DDX21: variants seen among roughly 807,000 people sequenced by gnomAD.
DDX21 encodes nucleolar RNA helicase 2.
DDX21 carries 18 observed loss-of-function variants against 90.0 expected under a neutral mutation model. The ratio of observed to expected loss-of-function variants is 0.20; its 90% CI spans 0.14 to 0.30. The LOEUF is 0.30. Ranked by LOEUF, DDX21 falls within the 10% of genes least tolerant of loss-of-function variation. DDX21 has a pLI of 1.00. For missense variants in DDX21, 673 were observed against 944.5 expected (o/e 0.71, Z 3.77); for synonymous variants, 294 against 318.0 (o/e 0.92, Z 0.80).
At chr10:68,974,783 G>A in intron 11 of DDX21, 40 bp downstream of exon 11, 1 of 1,546,720 alleles carries the variant, frequency 6.5e-7, no homozygotes, top group South Asian at 1.1e-5. Context: ...TTTAGTGTTG[G>A]TTCAAATACT....
At chr10:68,961,023 C>T (rs868095855) in intron 2 of DDX21, among the ~76,000 whole-genome samples, 2 of 152,248 alleles carry the variant, frequency 1.3e-5, no homozygotes, top group East Asian at 3.9e-4. Context: ...TGGAGTTGAA[C>T]AGGATGATAA....
Position 68,956,183 on chromosome 10 carries a change from C to A in DDX21, c.-43C>A. ...GTGGGGAACTACCTCTTCCTCTCCACGCGGTTGAGAAGACCGGTCGGCCTG... is the reference window on the plus strand; with the variant it reads ...GTGGGGAACTACCTCTTCCTCTCCAAGCGGTTGAGAAGACCGGTCGGCCTG... On this transcript the variant is annotated 5_prime_UTR_variant, in exon 1 of 15. Transcript: ENST00000354185. 6.2e-7 allele frequency: 1 copy of A among 1,603,252 alleles called. No homozygotes were observed. The highest frequency in any genetic ancestry group is 1.1e-5 in the South Asian group (1 of 90,352).
rs1266892475 is a variant in DDX21 at position 68,982,658 on chromosome 10, G to C, written c.2198G>C (p.Gly733Ala). ...GFRGQREGSR[G>A]FRGQRDGNRR... is the part of the protein sequence containing the mutation. ...AGGGGACAGCGGGAAGGCAGTCGAG[G>C]CTTCAGGGGACAGCGGGACGGAAAC... Residue 733 changes from glycine (G) to alanine (A), a missense_variant, in exon 15 of 15, where the codon GGC becomes GCC. Gly to Ala is a moderately conservative substitution (Grantham distance 60, BLOSUM62 0). Transcript: ENST00000354185. 2 of 1,614,048 alleles carry C rather than the reference G, an allele frequency of 1.2e-6. No homozygotes were observed. Among genetic ancestry groups the C allele is most frequent in the Admixed American group, 1.7e-5 (1 of 59,988 alleles).
intron 3 of DDX21, 140 bp from the exon 4 acceptor site, chr10:68,963,151 C>T: frequency 1.2e-6 from 1 of 838,300 alleles, no homozygotes; most frequent in Non-Finnish European, 1.8e-6. Flanking sequence ...GTATTTGAGC[C>T]TAACTTTGTA....
At chr10:68,956,747 A>C (rs1211356776) in intron 1 of DDX21, 4 of 1,018,474 alleles carry the variant, frequency 3.9e-6, no homozygotes, top group Non-Finnish European at 4.7e-6. Context: ...CGTCAAGTCA[A>C]AGTGGGTACT....
In DDX21 at chr10:68,963,990, C is replaced by T. The variant is rs561867511; in HGVS notation, c.786+521C>T. ...TGGCGGGCGCGTGTAGTCCCAACTACTTGGGAGGCTGAGGCAGGAGAATGG... is the reference window on the plus strand; with the variant it reads ...TGGCGGGCGCGTGTAGTCCCAACTATTTGGGAGGCTGAGGCAGGAGAATGG... On this transcript the variant is annotated intron_variant, in intron 4 of 14. Transcript: ENST00000354185. The T allele has an allele frequency of 3.6e-3, 911 of 254,414 alleles. 22 individuals carry two copies. Among genetic ancestry groups the T allele is most frequent in the South Asian group, 0.033 (890 of 27,334 alleles). 15.8% of individuals were successfully genotyped at this position (254,414 alleles called of 1,614,324 possible).
Position 68,977,592 on chromosome 10 carries a change from AGAG to A in DDX21, c.1810_1812del (p.Glu604del). 1.2e-6 allele frequency: 2 copies of A among 1,613,890 alleles called. No individual in the cohort carries two copies. Among genetic ancestry groups the A allele is most frequent in the Non-Finnish European group, 1.7e-6 (2 of 1,179,834 alleles). On this transcript the variant is annotated inframe_deletion, in exon 12 of 15. Transcript: ENST00000354185. The stretch of plus-strand genomic sequence containing the variant: ...TCAAACAATCAGCTGAGAAGCTGAT[AGAG>A]GAGAAGGGAGCTGTGGAAGCTCTGG...
rs370418699 is a variant in DDX21, at chr10:68,959,975, A to G, written c.257A>G (p.Asn86Ser). The change falls in exon 2 of 15, where the codon AAT (asparagine) becomes AGT (serine). Residue 86 changes from asparagine to serine, a missense_variant. Around this residue, in one of 4 missense-constraint regions of DDX21, gnomAD observed 204 missense variants for 221.6 expected, o/e 0.92. Transcript: ENST00000354185. ...KAKKKEEPSQ[N>S]DISPKTKSLR... ...AAAAAGAAAGAGGAGCCATCTCAAA[A>G]TGACATTTCTCCTAAAACCAAAAGT... 30 of 1,610,294 alleles carry G rather than the reference A, an allele frequency of 1.9e-5. No homozygotes were observed. Among genetic ancestry groups the G allele is most frequent in the Non-Finnish European group, 2.5e-5 (30 of 1,179,458 alleles).
chr10:68,962,183 A>G (rs967518447), intron 3 of DDX21, 26 bp downstream of exon 3: 1 of 1,512,050 alleles, frequency 6.6e-7, no homozygotes, highest in African/African-American at 1.4e-5. Flanking sequence ...ATATCGTATG[A>G]TGTTAGAACG....
At chr10:68,980,279 A>C (rs1843167364) in intron 13 of DDX21, among the ~76,000 whole-genome samples, 1 of 152,114 alleles carries the variant, frequency 6.6e-6, no homozygotes, top group African/African-American at 2.4e-5. Flanking sequence ...CTTTTCCTCC[A>C]AAGTAGCTTT....
At chr10:68,965,809 G>C (rs1487759432) in intron 5 of DDX21, among the ~76,000 whole-genome samples, 2 of 152,102 alleles carry the variant, frequency 1.3e-5, no homozygotes, top group African/African-American at 4.8e-5. Context: ...CCTCTTGTCT[G>C]TCAGGACCTT....
intron 1 of DDX21, chr10:68,956,709 G>C (rs1589280708): frequency 3.9e-6 from 4 of 1,034,146 alleles, no homozygotes; most frequent in Non-Finnish European, 4.7e-6. Flanking sequence ...CAGAACTCCC[G>C]GCATGAGCGT....
intron 11 of DDX21, among the ~76,000 whole-genome samples, 181 bp downstream of exon 11, chr10:68,974,924 C>T (rs1158966666): frequency 6.6e-6 from 1 of 152,112 alleles, no homozygotes; most frequent in Non-Finnish European, 1.5e-5. Flanking sequence ...AGCTCAGCCT[C>T]CCAAAGTGCT....
Position 68,982,557 on chromosome 10 carries a change from T to C in DDX21, c.2097T>C (p.Asp699=), listed in dbSNP as rs1293452381. ...SVTEIQEKWH[D]SRRWQLSVAT... The stretch of plus-strand genomic sequence containing the variant: ...TCTCTCAACAGGAGAAATGGCATGA[T>C]TCACGACGCTGGCAGCTCTCTGTGG... The change falls in exon 15 of 15, where the codon GAT becomes GAC. Residue 699 remains aspartate (D), a synonymous_variant. Coordinates refer to ENST00000354185, the MANE Select transcript of DDX21 (RefSeq NM_004728.4). 1.2e-6 allele frequency: 2 copies of C among 1,610,060 alleles called. No homozygotes were observed. Among genetic ancestry groups the C allele is most frequent in the Admixed American group, 1.7e-5 (1 of 59,938 alleles).
At chr10:68,978,706 G>A (rs373902121) in intron 12 of DDX21, 136 bp from the exon 13 acceptor site, 93 of 1,138,484 alleles carry the variant, frequency 8.2e-5, no homozygotes, top group South Asian at 5.7e-4. Context: ...GGGACTGTTC[G>A]TACTAATTGT....
chr10:68,958,797 A>G lies in DDX21; in HGVS notation c.88-1009A>G, dbSNP rs576421346. ...GCTATATTGTCCATGCTTGCCTGGA[A>G]CTGCTGGCCTCAAACAATCCTCCTG... is the stretch of plus-strand genomic sequence containing the variant. On this transcript the variant is annotated intron_variant, in intron 1 of 14. Coordinates refer to ENST00000354185, the MANE Select transcript of DDX21 (RefSeq NM_004728.4). Among the ~76,000 whole-genome samples, 4 of 152,214 alleles carry G rather than the reference A, an allele frequency of 2.6e-5. No individual in the cohort carries two copies. In the South Asian group the frequency reaches 6.2e-4, roughly 24 times the overall value.
chr10:68,975,893 CA>C (rs1197509892), intron 11 of DDX21, among the ~76,000 whole-genome samples: 1 of 151,634 alleles, frequency 6.6e-6, no homozygotes, highest in Non-Finnish European at 1.5e-5. Flanking sequence ...ACTAAAAATA[CA>C]AAAAAATAGC....
intron 8 of DDX21, 72 bp from the exon 9 acceptor site, chr10:68,971,819 C>A: frequency 6.7e-7 from 1 of 1,483,868 alleles, no homozygotes; most frequent in Non-Finnish European, 9.3e-7. Context: ...CTTTTACAGG[C>A]CTAACTGATG....
chr10:68,979,954 C>T (rs973774222), intron 13 of DDX21, among the ~76,000 whole-genome samples: 1 of 152,188 alleles, frequency 6.6e-6, no homozygotes, highest in East Asian at 1.9e-4. Context: ...TTATAGTAAT[C>T]TTTCGGCTGG....
Sources: allele counts gnomAD v4.1 joint callset (sites outside exome capture counted in the v4.1 genomes callset), GRCh38; gene constraint gnomAD v4.1.1; regional missense constraint gnomAD v4.1.1; transcripts MANE v1.5; gene names NCBI Gene and HGNC (gene_info 2026-07-23, HGNC 2026-07-21).